The following CADM2 variants were observed in gnomAD, a reference collection of about 807,000 sequenced individuals.
The protein encoded by CADM2 is immunoglobulin superfamily member 4D.
Under a neutral mutation model 49.8 loss-of-function variants are expected in CADM2, and 12 were observed. The ratio of observed to expected loss-of-function variants is 0.24; its 90% CI spans 0.15 to 0.39. The LOEUF is 0.39. Among genes scored for constraint, CADM2 ranks in the 10% least tolerant of loss-of-function variants. The pLI, the probability that CADM2 is intolerant of heterozygous loss-of-function variation, is 1.00. For missense variants in CADM2, 378 were observed against 492.3 expected, an observed-to-expected ratio of 0.77 and a Z score of 2.20; for synonymous variants, 214 against 175.4, an observed-to-expected ratio of 1.22 and a Z score of -1.74.
intron 8 of CADM2, among the ~76,000 whole-genome samples, chr3:86,012,359 T>C (rs1731610708): frequency 6.6e-6 from 1 of 152,232 alleles, no homozygotes; most frequent in African/African-American, 2.4e-5. Context: ...TAATTCATGC[T>C]CTTGTTGCTT....
At chr3:85,388,639 C>T (rs550924579) in intron 1 of CADM2, among the ~76,000 whole-genome samples, 1 of 151,974 alleles carries the variant, frequency 6.6e-6, no homozygotes, top group Non-Finnish European at 1.5e-5. Context: ...TACACAAGCT[C>T]TGATTATGAG....
intron 1 of CADM2, among the ~76,000 whole-genome samples, chr3:85,045,649 CT>C (rs34733796): frequency 0.56 from 83,994 of 151,118 alleles, 24,284 homozygotes; most frequent in Non-Finnish European, 0.65. Context: ...AATGTGTAGC[CT>C]TTTTTTTTGC....
intron 1 of CADM2, among the ~76,000 whole-genome samples, chr3:85,649,830 C>G (rs2064992530): frequency 1.3e-5 from 2 of 152,042 alleles, no homozygotes; most frequent in Admixed American, 1.3e-4. Context: ...TGGTCAGGGA[C>G]TGGTGAACTA....
At chr3:85,799,055 T>C (rs1053716695) in intron 2 of CADM2, among the ~76,000 whole-genome samples, 2 of 152,174 alleles carry the variant, frequency 1.3e-5, no homozygotes, top group Non-Finnish European at 2.9e-5. Flanking sequence ...AGTTTGCTCA[T>C]TATTTGGCTC....
chr3:85,225,381 C>T (rs2042135104), intron 1 of CADM2, among the ~76,000 whole-genome samples: 1 of 152,098 alleles, frequency 6.6e-6, no homozygotes, highest in Non-Finnish European at 1.5e-5. Flanking sequence ...TGGGAGTTCA[C>T]TCATTATTTG....
intron 1 of CADM2, among the ~76,000 whole-genome samples, chr3:85,600,867 A>G (rs1336430653): frequency 6.6e-6 from 1 of 151,244 alleles, no homozygotes; most frequent in East Asian, 2.0e-4. Context: ...ACTTGTAAGA[A>G]GGAATGGAGG....
intron 1 of CADM2, among the ~76,000 whole-genome samples, chr3:85,153,940 C>T (rs1428106324): frequency 1.3e-5 from 2 of 152,076 alleles, no homozygotes; most frequent in East Asian, 3.9e-4. Context: ...CCCATCTGTA[C>T]ATCACCATCA....
intron 2 of CADM2, among the ~76,000 whole-genome samples, chr3:85,792,593 G>A (rs79337314): frequency 0.02 from 3,073 of 152,218 alleles, 51 homozygotes; most frequent in Middle Eastern, 0.041. Flanking sequence ...GGTATATCTC[G>A]GGTGATTATT....
chr3:85,411,178 A>G (rs1444714979), intron 1 of CADM2, among the ~76,000 whole-genome samples: 2 of 152,200 alleles, frequency 1.3e-5, no homozygotes, highest in African/African-American at 4.8e-5. Context: ...GGTGGCTGAT[A>G]GAGTGAAAAA....
intron 6 of CADM2, among the ~76,000 whole-genome samples, chr3:85,930,700 C>T (rs1003302935): frequency 2.0e-5 from 3 of 151,874 alleles, no homozygotes; most frequent in Admixed American, 6.6e-5. Context: ...TAAATGAGAA[C>T]ATGTGATGTT....
chr3:84,994,185 C>G (rs1433644879), intron 1 of CADM2, among the ~76,000 whole-genome samples: 1 of 152,164 alleles, frequency 6.6e-6, no homozygotes, highest in African/African-American at 2.4e-5. Context: ...GAATTTGGCA[C>G]AGGCATCGCT....
intron 1 of CADM2, among the ~76,000 whole-genome samples, chr3:85,263,679 A>G (rs1228334217): frequency 6.6e-6 from 1 of 151,894 alleles, no homozygotes; most frequent in Non-Finnish European, 1.5e-5. Flanking sequence ...TCAAGAATCT[A>G]TTCCAATTTT....
At chr3:85,333,948 A>T (rs1387021010) in intron 1 of CADM2, among the ~76,000 whole-genome samples, 1 of 151,776 alleles carries the variant, frequency 6.6e-6, no homozygotes, top group African/African-American at 2.4e-5. Context: ...CTTCCTTGGA[A>T]GTATATGAGT....
chr3:85,976,166 G>A (rs1011724451), intron 8 of CADM2, among the ~76,000 whole-genome samples: 1 of 151,488 alleles, frequency 6.6e-6, no homozygotes, highest in African/African-American at 2.4e-5. Context: ...AATATTTTAA[G>A]CGGTATCATT....
intron 1 of CADM2, among the ~76,000 whole-genome samples, chr3:85,151,111 TGG>T (rs2039908856): frequency 1.3e-5 from 2 of 152,018 alleles, no homozygotes; most frequent in African/African-American, 4.8e-5. Context: ...CAAATGGGTA[TGG>T]GTAAGAAATT....
intron 1 of CADM2, among the ~76,000 whole-genome samples, chr3:85,461,353 T>C (rs1345379895): frequency 2.6e-5 from 4 of 151,978 alleles, no homozygotes; most frequent in African/African-American, 4.8e-5. Flanking sequence ...GGAGGAGAGG[T>C]AGTGAGGACT....
chr3:85,337,882 A>G (rs777670712), intron 1 of CADM2, among the ~76,000 whole-genome samples: 1 of 151,660 alleles, frequency 6.6e-6, no homozygotes, highest in Non-Finnish European at 1.5e-5. Context: ...TGACATTCAT[A>G]TACTCTCATA....
chr3:85,859,675 G>A (rs985821503), intron 3 of CADM2, among the ~76,000 whole-genome samples: 3 of 152,036 alleles, frequency 2.0e-5, no homozygotes, highest in Non-Finnish European at 2.9e-5. Context: ...ATCTAATTTC[G>A]GTCAATACTG....
Position 85,791,626 on chromosome 3 carries a change from G to A in CADM2, c.89-10421G>A, listed in dbSNP as rs369670188. On this transcript the variant is annotated intron_variant, in intron 2 of 9. Transcript: ENST00000383699. ...ACAAAAAAAAACTGAAAATAGTTGA[G>A]GGGAAAAACTTAAAGAATAGTAGGC... 2.2e-3 allele frequency among the ~76,000 whole-genome samples: 334 copies of A among 152,032 alleles called. 3 individuals carry two copies. Among genetic ancestry groups the A allele is most frequent in the Middle Eastern group, 0.017 (5 of 292 alleles).
Sources: gnomAD v4.1 joint callset for allele counts (sites outside exome capture counted in the v4.1 genomes callset) on GRCh38, gnomAD v4.1.1 for gene constraint, MANE v1.5 for transcripts, NCBI Gene and HGNC (gene_info 2026-07-23, HGNC 2026-07-21) for gene names.